The following WDR64 variants were observed in gnomAD, a reference collection of about 807,000 sequenced individuals.
WDR64 encodes WD repeat domain 64.
In WDR64, 112 loss-of-function variants were observed where a neutral mutation model predicts 139.3. That is an observed-to-expected ratio of 0.80 (90% CI 0.69 to 0.94). The LOEUF is 0.94. Ranked by LOEUF, WDR64 falls within the 40% of genes least tolerant of loss-of-function variation. WDR64 has a pLI of 0.00. For synonymous variants in WDR64, 444 were observed against 437.7 expected, an observed-to-expected ratio of 1.01 and a Z score of -0.18; for missense variants, 1,206 against 1,293.1, an observed-to-expected ratio of 0.93 and a Z score of 1.03.
intron 2 of WDR64, among the ~76,000 whole-genome samples, chr1:241,664,307 T>C (rs1665949894): frequency 6.6e-6 from 1 of 152,248 alleles, no homozygotes; most frequent in Non-Finnish European, 1.5e-5. Context: ...GTGGTTTATA[T>C]GCATGAATTT....
chr1:241,731,469 GT>G (rs201518862), intron 10 of WDR64, among the ~76,000 whole-genome samples: 23,946 of 152,246 alleles, frequency 0.16, 2,214 homozygotes, highest in East Asian at 0.28. Flanking sequence ...GATAGGTACT[GT>G]GTGATAACTA....
chr1:241,775,648 G>A lies in WDR64; in HGVS notation c.2536+438G>A, dbSNP rs1029653394. ...ATATTTATTATAATTAATATGGTCA[G>A]TCTTTCTAACAAAATTCTTTCTTCC... On this transcript the variant is annotated intron_variant, in intron 21 of 27. Coordinates refer to ENST00000437684, the MANE Select transcript of WDR64 (RefSeq NM_001367482.1). Among the ~76,000 whole-genome samples, 6 of 152,188 alleles carry A rather than the reference G, an allele frequency of 3.9e-5. No individual in the cohort carries two copies. The South Asian group carries it at 1.0e-3, about 26-fold the overall frequency.
chr1:241,777,562 C>T (rs1037467695), intron 21 of WDR64, among the ~76,000 whole-genome samples: 1 of 144,658 alleles, frequency 6.9e-6, no homozygotes, highest in Non-Finnish European at 1.5e-5. Context: ...GGATTACAGG[C>T]ACCTGACACC....
chr1:241,749,599 G>C lies in WDR64; in HGVS notation c.1647G>C (p.Pro549=). The C allele has an allele frequency of 6.2e-7, 1 of 1,614,064 alleles. No individual in the cohort carries two copies. Among genetic ancestry groups the C allele is most frequent in the Non-Finnish European group, 8.5e-7 (1 of 1,179,992 alleles). Residue 549 remains proline, a synonymous_variant, in exon 14 of 28, where the codon CCG becomes CCC. Coordinates refer to ENST00000437684, the MANE Select transcript of WDR64 (RefSeq NM_001367482.1). ...GTGGGCAGGAGATGAAGGTGTTGCC[G>C]GAGGGGAAAGACTGGAAGGAGGACG... ...FGSGQEMKVL[P]EGKDWKEDEH... is the part of the protein sequence containing the mutation.
intron 8 of WDR64, among the ~76,000 whole-genome samples, chr1:241,691,325 T>C (rs1667272786): frequency 6.6e-6 from 1 of 152,190 alleles, no homozygotes; most frequent in Non-Finnish European, 1.5e-5. Context: ...TGTCAATAAT[T>C]ACTTTAAAAG....
chr1:241,658,285 G>GTGTGTA (rs1665686441), intron 1 of WDR64, among the ~76,000 whole-genome samples: 1 of 942 alleles, frequency 1.1e-3, no homozygotes, highest in African/African-American at 1.1e-3. Context: ...TCAAGCAATG[G>GTGTGTA]TGTGTGTGTG....
intron 10 of WDR64, among the ~76,000 whole-genome samples, chr1:241,727,482 C>A (rs886446904): frequency 6.6e-6 from 1 of 152,140 alleles, no homozygotes; most frequent in African/African-American, 2.4e-5. Flanking sequence ...GTTTCTTCAT[C>A]TGTAAATGTA....
At chr1:241,724,945 A>C (rs1314177122) in intron 10 of WDR64, among the ~76,000 whole-genome samples, 3 of 152,130 alleles carry the variant, frequency 2.0e-5, no homozygotes, top group Admixed American at 6.6e-5. Context: ...TCACAGAGCT[A>C]TCTAGTGCCG....
intron 13 of WDR64, among the ~76,000 whole-genome samples, chr1:241,748,529 CT>C (rs1426528662): frequency 6.6e-6 from 1 of 152,068 alleles, no homozygotes; most frequent in South Asian, 2.1e-4. Flanking sequence ...AATTTGGGGC[CT>C]TTTTTATAAA....
rs1280949253 is a variant in WDR64, at chr1:241,757,336, G to A, written c.1824G>A (p.Val608=). ...LMVIWELPDV[V]PFLQDGKHAV... ...TGATCTGGGAGCTGCCTGATGTTGT[G>A]CCTTTCCTACAAGATGGGAAACATG... The change falls in exon 15 of 28, where the codon GTG becomes GTA. Residue 608 remains valine, a synonymous_variant. Coordinates refer to ENST00000437684, the MANE Select transcript of WDR64 (RefSeq NM_001367482.1). The A allele has an allele frequency of 6.2e-7, 1 of 1,614,034 alleles. No individual in the cohort carries two copies.
chr1:241,776,626 T>A (rs571945761), intron 21 of WDR64, among the ~76,000 whole-genome samples: 33 of 152,292 alleles, frequency 2.2e-4, no homozygotes, highest in African/African-American at 7.7e-4. Flanking sequence ...TCTGTATAAT[T>A]TATATAGACA....
intron 9 of WDR64, among the ~76,000 whole-genome samples, chr1:241,720,448 C>A (rs1168847152): frequency 6.6e-6 from 1 of 152,160 alleles, no homozygotes; most frequent in African/African-American, 2.4e-5. Flanking sequence ...TTTTTCTCCG[C>A]AACTTTGCCA....
At chr1:241,691,703 A>C (rs1667297435) in intron 8 of WDR64, among the ~76,000 whole-genome samples, 1 of 152,210 alleles carries the variant, frequency 6.6e-6, no homozygotes, top group South Asian at 2.1e-4. Flanking sequence ...CCTAACAATT[A>C]ACAAGTGGCA....
At chr1:241,711,765 A>C in intron 8 of WDR64, 37 bp from the exon 9 acceptor site, 1 of 1,600,474 alleles carries the variant, frequency 6.2e-7, no homozygotes, top group Non-Finnish European at 8.6e-7. Context: ...TGATAAAGAA[A>C]AATATATATG....
intron 16 of WDR64, among the ~76,000 whole-genome samples, chr1:241,767,862 T>C (rs1179297036): frequency 6.6e-6 from 1 of 152,182 alleles, no homozygotes; most frequent in East Asian, 1.9e-4. Flanking sequence ...ATCCTGCCCC[T>C]GGAATTCCTG....
Position 241,683,851 on chromosome 1 carries a change from C to T in WDR64, c.839+150C>T. 3 of 559,908 alleles carry T rather than the reference C, an allele frequency of 5.4e-6. No homozygotes were observed. In the South Asian group the frequency reaches 7.8e-5, roughly 14 times the overall value. The allele number at this position is 559,908 out of a possible 1,614,324, so 34.7% of individuals were successfully genotyped here. A position where few individuals can be genotyped will look rare whatever the true frequency, so the allele number is the denominator to read the frequency against. On this transcript the variant is annotated intron_variant, in intron 7 of 27. Transcript: ENST00000437684. ...AGTAATATAAACAATTAATTATAGT[C>T]ATTGTTCATGTATACACACACACAC... is the stretch of plus-strand genomic sequence containing the variant.
rs1665580358 is a variant in WDR64, at chr1:241,656,035, A to G, written c.145+3406A>G. Among the ~76,000 whole-genome samples, 1 of 152,184 alleles carries G rather than the reference A, an allele frequency of 6.6e-6. No homozygotes were observed. The highest frequency in any genetic ancestry group is 1.5e-5 in the Non-Finnish European group (1 of 68,022). ...TGCACAAGTTGACCTTGCTCTCATTAAGAAACTTGCAATCACAAAGCCACA... is the reference window on the plus strand; with the variant it reads ...TGCACAAGTTGACCTTGCTCTCATTGAGAAACTTGCAATCACAAAGCCACA... On this transcript the variant is annotated intron_variant, in intron 1 of 27. Coordinates refer to ENST00000437684, the MANE Select transcript of WDR64 (RefSeq NM_001367482.1). The surrounding 1 kb of genome is among the most constrained non-coding windows in gnomAD (Gnocchi z 4.3).
chr1:241,792,115 A>T (rs1659229991), intron 25 of WDR64, among the ~76,000 whole-genome samples: 1 of 152,176 alleles, frequency 6.6e-6, no homozygotes, highest in African/African-American at 2.4e-5. Flanking sequence ...AAATCACACT[A>T]ATTACTGTTT....
intron 2 of WDR64, among the ~76,000 whole-genome samples, chr1:241,661,852 G>C (rs1432386727): frequency 6.6e-6 from 1 of 152,226 alleles, no homozygotes; most frequent in Admixed American, 6.5e-5. Flanking sequence ...CACCTTTGTT[G>C]TGAATAAAGT....
Sources: allele counts gnomAD v4.1 joint callset (sites outside exome capture counted in the v4.1 genomes callset), GRCh38; gene constraint gnomAD v4.1.1; non-coding constraint Gnocchi (gnomAD v3.1); transcripts MANE v1.5; gene names NCBI Gene and HGNC (gene_info 2026-07-23, HGNC 2026-07-21).